OSBPL10: variants seen among roughly 807,000 people sequenced by gnomAD.
OSBPL10 encodes the protein oxysterol binding protein like 10.
Under a neutral mutation model 81.7 loss-of-function variants are expected in OSBPL10, and 49 were observed. The observed-to-expected ratio is 0.60, with a 90% CI of 0.48 to 0.76. OSBPL10 has a LOEUF of 0.76. Among genes scored for constraint, OSBPL10 ranks in the 30% least tolerant of loss-of-function variants. OSBPL10 has a pLI of 0.00. For missense variants in OSBPL10, 923 were observed against 987.8 expected (o/e 0.93, Z 0.88); for synonymous variants, 419 against 383.6 (o/e 1.09, Z -1.08).
At chr3:31,871,078 G>A (rs550428521) in intron 3 of OSBPL10, among the ~76,000 whole-genome samples, 1 of 152,256 alleles carries the variant, frequency 6.6e-6, no homozygotes, top group South Asian at 2.1e-4. Flanking sequence ...CCAGATAAGA[G>A]AATAAAAGCA....
intron 1 of OSBPL10, among the ~76,000 whole-genome samples, chr3:31,954,314 G>A (rs1420117343): frequency 6.6e-6 from 1 of 152,150 alleles, no homozygotes; most frequent in Admixed American, 6.5e-5. Context: ...AAGAGCCTTT[G>A]TGCATTGCTA....
At chr3:32,073,800 A>G (rs1338758725) in intron 1 of OSBPL10, among the ~76,000 whole-genome samples, 1 of 152,070 alleles carries the variant, frequency 6.6e-6, no homozygotes, top group Non-Finnish European at 1.5e-5. Flanking sequence ...AAGCCATCAC[A>G]GCTGATATCT....
At chr3:31,989,460 T>G in intron 2 of OSBPL10, 1 of 1,614,226 alleles carries the variant, frequency 6.2e-7, no homozygotes. Context: ...ATGAAGCAAC[T>G]ATGACACAAA....
intron 1 of OSBPL10, among the ~76,000 whole-genome samples, chr3:31,892,942 G>C (rs1302216894): frequency 6.6e-6 from 1 of 152,156 alleles, no homozygotes; most frequent in Non-Finnish European, 1.5e-5. Context: ...TTAACCGGTG[G>C]TTGAGCACAA....
At chr3:31,696,222 C>T (rs1695716881) in intron 7 of OSBPL10, among the ~76,000 whole-genome samples, 1 of 152,130 alleles carries the variant, frequency 6.6e-6, no homozygotes, top group Non-Finnish European at 1.5e-5. Context: ...GCACTGGATC[C>T]CATGCCCTCT....
At chr3:31,746,439 G>A (rs1697521493) in intron 5 of OSBPL10, among the ~76,000 whole-genome samples, 1 of 152,126 alleles carries the variant, frequency 6.6e-6, no homozygotes, top group Non-Finnish European at 1.5e-5. Flanking sequence ...AGCACTTTGG[G>A]AGGCTGAGGC....
intron 1 of OSBPL10, 52 bp downstream of exon 1, chr3:31,980,837 GCACGCACACA>G (rs1472320705): frequency 2.8e-6 from 4 of 1,408,508 alleles, no homozygotes; most frequent in African/African-American, 2.0e-5. Context: ...ATACACACAC[GCACGCACACA>G]CACACACACA....
chr3:32,004,323 T>C (rs989087892), intron 2 of OSBPL10, among the ~76,000 whole-genome samples: 2 of 152,162 alleles, frequency 1.3e-5, no homozygotes, highest in Non-Finnish European at 2.9e-5. Flanking sequence ...CATGTGGTAC[T>C]GGCTGCTTTT....
chr3:31,928,085 G>C (rs1697130222), intron 1 of OSBPL10, among the ~76,000 whole-genome samples: 1 of 152,196 alleles, frequency 6.6e-6, no homozygotes, highest in South Asian at 2.1e-4. Flanking sequence ...CGAGGGTGAA[G>C]TTCAGGTTAG....
In OSBPL10 at chr3:31,709,141, G is replaced by A. The variant is rs192349786; in HGVS notation, c.1096-6633C>T. ...TTATCCTTGACAGGTCCAAGTACAC[G>A]CATGTCCACACAGCAAGCTAGTCCC... is the stretch of plus-strand genomic sequence containing the variant. On this transcript the variant is annotated intron_variant, in intron 6 of 11. Transcript: ENST00000396556. The A allele has an allele frequency of 6.7e-4, 409 of 612,244 alleles. 3 individuals carry two copies. In the African/African-American group the frequency reaches 7.4e-3, roughly 11 times the overall value. 37.9% of individuals were successfully genotyped at this position (612,244 alleles called of 1,614,324 possible). A position where few individuals can be genotyped will look rare whatever the true frequency, so the allele number is the denominator to read the frequency against.
chr3:31,828,597 A>G (rs927199696), intron 4 of OSBPL10, among the ~76,000 whole-genome samples: 1 of 152,186 alleles, frequency 6.6e-6, no homozygotes, highest in African/African-American at 2.4e-5. Flanking sequence ...CACTGGGGCT[A>G]TCTTGGCTCA....
intron 8 of OSBPL10, among the ~76,000 whole-genome samples, chr3:31,673,798 C>T (rs1700385399): frequency 6.6e-6 from 1 of 152,038 alleles, no homozygotes; most frequent in Non-Finnish European, 1.5e-5. Flanking sequence ...CAGCGAGGCT[C>T]TTTTTCTTTT....
chr3:31,736,156 A>C (rs2125673024), intron 5 of OSBPL10, among the ~76,000 whole-genome samples: 1 of 152,312 alleles, frequency 6.6e-6, no homozygotes, highest in Admixed American at 6.5e-5. Context: ...AAAGGTAAAG[A>C]GCTCCAGTTT....
intron 4 of OSBPL10, among the ~76,000 whole-genome samples, chr3:31,755,905 C>T (rs1212234479): frequency 2.0e-5 from 3 of 152,166 alleles, no homozygotes; most frequent in Admixed American, 2.0e-4. Context: ...AAACTGATTC[C>T]TTTCTGTCAT....
intron 2 of OSBPL10, among the ~76,000 whole-genome samples, chr3:32,026,097 G>GATA (rs1699409747): frequency 5.2e-5 from 1 of 19,312 alleles, no homozygotes; most frequent in African/African-American, 6.8e-5. Context: ...ATAGATGATA[G>GATA]ATAGATAGAG....
chr3:31,825,029 C>T (rs1226512296), intron 4 of OSBPL10, among the ~76,000 whole-genome samples: 1 of 152,096 alleles, frequency 6.6e-6, no homozygotes. Context: ...AGAAGGGGCA[C>T]TGAGGGTTGG....
intron 1 of OSBPL10, among the ~76,000 whole-genome samples, chr3:32,056,572 A>T (rs1699714468): frequency 6.6e-6 from 1 of 152,230 alleles, no homozygotes; most frequent in South Asian, 2.1e-4. Flanking sequence ...AAGAGATACG[A>T]ATGGCCCTTG....
intron 6 of OSBPL10, among the ~76,000 whole-genome samples, chr3:31,706,990 T>C (rs549697874): frequency 3.3e-5 from 5 of 149,878 alleles, no homozygotes; most frequent in African/African-American, 9.7e-5. Flanking sequence ...CCTTCTCTCT[T>C]AACCTAGACC....
intron 1 of OSBPL10, among the ~76,000 whole-genome samples, chr3:31,883,387 C>T (rs1695643412): frequency 6.6e-6 from 1 of 151,942 alleles, no homozygotes; most frequent in Admixed American, 6.6e-5. Flanking sequence ...ATTACAGACA[C>T]CACCACGCCC....
Sources: allele counts gnomAD v4.1 joint callset (sites outside exome capture counted in the v4.1 genomes callset), GRCh38; gene constraint gnomAD v4.1.1; transcripts MANE v1.5; gene names NCBI Gene and HGNC (gene_info 2026-07-23, HGNC 2026-07-21).